BSPRY: variants seen among roughly 807,000 people sequenced by gnomAD.
BSPRY encodes the protein B box and SPRY domain-containing protein.
Under a neutral mutation model 38.0 loss-of-function variants are expected in BSPRY, and 33 were observed. That is an observed-to-expected ratio of 0.87 (90% CI 0.66 to 1.16). The LOEUF is 1.16. Among genes scored for constraint, BSPRY ranks in the 50% most tolerant of loss-of-function variants. The probability of loss-of-function intolerance (pLI) is 0.00; values close to 1 mark genes in which losing one functional copy is unlikely to be tolerated. For missense variants in BSPRY, 523 were observed against 533.2 expected (o/e 0.98, Z 0.19); for synonymous variants, 224 against 228.5 (o/e 0.98, Z 0.18).
rs944216546 is a variant in BSPRY at position 113,370,218 on chromosome 9, AATG to A, written c.*80_*82del. 2 of 1,471,822 alleles carry A rather than the reference AATG, an allele frequency of 1.4e-6. No homozygotes were observed. The highest frequency in any genetic ancestry group is 2.8e-5 in the African/African-American group (2 of 70,574). The allele number at this position is 1,471,822 out of a possible 1,614,324, so 91.2% of individuals were successfully genotyped here. On this transcript the variant is annotated 3_prime_UTR_variant, in exon 6 of 6. Coordinates refer to ENST00000374183, the MANE Select transcript of BSPRY (RefSeq NM_017688.3). This position sits in a 1 kb window ranked among gnomAD's most constrained non-coding sequence, Gnocchi z 4.8. ...GTTTCTACTCAGTGTGCTTTTCCCA[AATG>A]ATGTGTGTGGTGTTTCTAAGAGAAA... is the stretch of plus-strand genomic sequence containing the variant.
intron 2 of BSPRY, among the ~76,000 whole-genome samples, chr9:113,356,947 G>C (rs376993896): frequency 1.3e-5 from 2 of 152,184 alleles, no homozygotes; most frequent in African/African-American, 2.4e-5. Flanking sequence ...TGAGTAGGTA[G>C]CTGCATATAT....
chr9:113,357,503 T>C (rs537322278), intron 2 of BSPRY, among the ~76,000 whole-genome samples: 2 of 152,336 alleles, frequency 1.3e-5, no homozygotes, highest in South Asian at 4.1e-4. Flanking sequence ...TCATTTCTTG[T>C]ACAGTCCTCA....
rs1588069391 is a variant in BSPRY at position 113,368,150 on chromosome 9, G to C, written c.558-109G>C. On this transcript the variant is annotated intron_variant, in intron 4 of 5. Transcript: ENST00000374183. Reference sequence around the variant, plus strand: ...CACCTGGCCCTAGCTGCCAATCTTGGTATCGCCTGATAGGAGATTTTACTT... The same window carrying C: ...CACCTGGCCCTAGCTGCCAATCTTGCTATCGCCTGATAGGAGATTTTACTT... The C allele has an allele frequency of 5.8e-6, 8 of 1,390,164 alleles. No homozygotes were observed. The East Asian group carries it at 1.8e-4, about 32-fold the overall frequency. The allele number at this position is 1,390,164 out of a possible 1,614,324, so 86.1% of individuals were successfully genotyped here. A position where few individuals can be genotyped will look rare whatever the true frequency, so the allele number is the denominator to read the frequency against.
At chr9:113,359,170 G>T (rs1048787640) in intron 2 of BSPRY, among the ~76,000 whole-genome samples, 1 of 152,170 alleles carries the variant, frequency 6.6e-6, no homozygotes, top group African/African-American at 2.4e-5. Context: ...GCCTTATGAG[G>T]TAGGTACTAT....
intron 1 of BSPRY, among the ~76,000 whole-genome samples, 189 bp downstream of exon 1, chr9:113,349,969 G>C (rs1319661876): frequency 6.6e-6 from 1 of 152,210 alleles, no homozygotes; most frequent in African/African-American, 2.4e-5. Context: ...AGGCTGGCCT[G>C]AGTTCGAATC....
At chr9:113,366,301 A>G (rs757036941) in intron 4 of BSPRY, among the ~76,000 whole-genome samples, 7 of 152,212 alleles carry the variant, frequency 4.6e-5, no homozygotes, top group Non-Finnish European at 7.3e-5. Context: ...GCCTATCCAT[A>G]GAGTTCCAGA....
rs1834308058 is a variant in BSPRY, at chr9:113,369,639, G to C, written c.706G>C (p.Glu236Gln). The C allele has an allele frequency of 2.5e-6, 4 of 1,613,696 alleles. No individual in the cohort carries two copies. In the East Asian group the frequency reaches 8.9e-5, roughly 36 times the overall value. The change falls in exon 6 of 6, where the codon GAG becomes CAG. Residue 236 changes from glutamate (E) to glutamine (Q), a missense_variant. Glu to Gln is a conservative substitution (Grantham distance 29). Transcript: ENST00000374183. ...LSGTEDIRID[E>Q]RTVSPFLQLS... The stretch of plus-strand genomic sequence containing the variant: ...AGGCACAGAGGACATACGGATCGAT[G>C]AGAGGACAGTCAGCCCCTTCCTGCA...
At chr9:113,364,405 T>C (rs1834210689) in intron 4 of BSPRY, among the ~76,000 whole-genome samples, 1 of 152,186 alleles carries the variant, frequency 6.6e-6, no homozygotes, top group South Asian at 2.1e-4. Context: ...GTACAATCTT[T>C]TCACACTTCT....
chr9:113,350,845 A>G (rs908488506), intron 1 of BSPRY, among the ~76,000 whole-genome samples: 1 of 152,194 alleles, frequency 6.6e-6, no homozygotes, highest in African/African-American at 2.4e-5. Context: ...CGGTGTAATC[A>G]ACTTGCATAA....
chr9:113,358,079 C>G (rs1262223546), intron 2 of BSPRY, among the ~76,000 whole-genome samples: 1 of 149,914 alleles, frequency 6.7e-6, no homozygotes, highest in Non-Finnish European at 1.5e-5. Flanking sequence ...AAGACCCTAT[C>G]TCTACAAAAA....
At chr9:113,354,520 T>C (rs1414945768) in intron 2 of BSPRY, among the ~76,000 whole-genome samples, 182 bp downstream of exon 2, 1 of 152,158 alleles carries the variant, frequency 6.6e-6, no homozygotes, top group Non-Finnish European at 1.5e-5. Flanking sequence ...TCCTGTACCA[T>C]ACTTGGTGCA....
chr9:113,362,080 T>A (rs1257599982), intron 3 of BSPRY, among the ~76,000 whole-genome samples: 1 of 151,960 alleles, frequency 6.6e-6, no homozygotes, highest in African/African-American at 2.4e-5. Context: ...GAGATGCTGT[T>A]GGGTGAACAG....
Position 113,370,084 on chromosome 9 carries a change from C to A in BSPRY, c.1151C>A (p.Pro384Gln). ...CTCTGTGCCCATCATGTGTCCTTCC[C>A]GGGGCCCCTCTTCCCAGTCTTTGCT... Reference protein sequence around the residue: ...TVLCAHHVSFPGPLFPVFAVA... With the variant: ...TVLCAHHVSFQGPLFPVFAVA... Residue 384 changes from proline (P) to glutamine (Q), a missense_variant, in exon 6 of 6, where the codon CCG becomes CAG. Pro to Gln is a moderately conservative substitution (Grantham distance 76). Coordinates refer to ENST00000374183, the MANE Select transcript of BSPRY (RefSeq NM_017688.3). The surrounding 1 kb of genome is among the most constrained non-coding windows in gnomAD (Gnocchi z 4.8). 1 of 1,609,804 alleles carries A rather than the reference C, an allele frequency of 6.2e-7. No individual in the cohort carries two copies. The highest frequency in any genetic ancestry group is 8.5e-7 in the Non-Finnish European group (1 of 1,178,208).
At chr9:113,358,852 A>G (rs1410852210) in intron 2 of BSPRY, among the ~76,000 whole-genome samples, 1 of 152,134 alleles carries the variant, frequency 6.6e-6, no homozygotes, top group Non-Finnish European at 1.5e-5. Context: ...GTAAGGCATT[A>G]AAGTGGGATA....
intron 5 of BSPRY, 149 bp downstream of exon 5, chr9:113,368,532 AG>A: frequency 8.9e-7 from 1 of 1,119,152 alleles, no homozygotes; most frequent in Non-Finnish European, 1.3e-6. Flanking sequence ...AGTAGGGTCA[AG>A]GTTCCAGACA....
chr9:113,352,071 A>G (rs1314407866), intron 1 of BSPRY, among the ~76,000 whole-genome samples: 1 of 152,098 alleles, frequency 6.6e-6, no homozygotes, highest in East Asian at 1.9e-4. Context: ...TCAGCCTCCC[A>G]AAGTGTTGGG....
intron 2 of BSPRY, among the ~76,000 whole-genome samples, chr9:113,355,341 C>A (rs1834040452): frequency 6.6e-6 from 1 of 152,134 alleles, no homozygotes; most frequent in Non-Finnish European, 1.5e-5. Context: ...TGGAACAGAA[C>A]CCAGTTGAAC....
chr9:113,370,345 C>G lies in BSPRY; in HGVS notation c.*203C>G. The G allele has an allele frequency of 2.1e-6, 1 of 479,638 alleles. No individual in the cohort carries two copies. The highest frequency in any genetic ancestry group is 7.5e-5 in the South Asian group (1 of 13,292). 29.7% of individuals were successfully genotyped at this position (479,638 alleles called of 1,614,324 possible). On this transcript the variant is annotated 3_prime_UTR_variant, in exon 6 of 6. Transcript: ENST00000374183. This position sits in a 1 kb window ranked among gnomAD's most constrained non-coding sequence, Gnocchi z 4.8. The stretch of plus-strand genomic sequence containing the variant: ...ACAGGTGTCCAAACTTTTGGCTTCC[C>G]TGGGCCACATTTGAAGAAGAATTTT...
rs752492031 is a variant in BSPRY, at chr9:113,360,523, C to T, written c.317C>T (p.Ala106Val). The T allele has an allele frequency of 6.3e-7, 1 of 1,599,146 alleles. No homozygotes were observed. The highest frequency in any genetic ancestry group is 1.1e-5 in the South Asian group (1 of 87,874). ...CCTCATTAGAGCATGGCCAGTGCAGCGAGGGAACTGGTTATCCAGCGGTTG... is the reference window on the plus strand; with the variant it reads ...CCTCATTAGAGCATGGCCAGTGCAGTGAGGGAACTGGTTATCCAGCGGTTG... ...NQRAVSMASAARELVIQRLSL... is the reference protein window; with the variant it reads ...NQRAVSMASAVRELVIQRLSL... The change falls in exon 3 of 6, where the codon GCG (alanine) becomes GTG (valine). Residue 106 changes from alanine to valine, a missense_variant. Coordinates refer to ENST00000374183, the MANE Select transcript of BSPRY (RefSeq NM_017688.3).
Sources: allele counts gnomAD v4.1 joint callset (sites outside exome capture counted in the v4.1 genomes callset), GRCh38; gene constraint gnomAD v4.1.1; non-coding constraint Gnocchi (gnomAD v3.1); transcripts MANE v1.5; gene names NCBI Gene and HGNC (gene_info 2026-07-23, HGNC 2026-07-21).